MYOCD: variants seen among roughly 807,000 people sequenced by gnomAD.
MYOCD encodes myocardin.
A neutral mutation model predicts 96.1 loss-of-function variants in MYOCD; 32 were observed. That is an observed-to-expected ratio of 0.33 (90% CI 0.25 to 0.45). The LOEUF is 0.45. Ranked by LOEUF, MYOCD falls within the 20% of genes least tolerant of loss-of-function variation. The pLI is 1.00. For synonymous variants in MYOCD, 469 were observed against 469.0 expected, an observed-to-expected ratio of 1.00 and a Z score of 0.00; for missense variants, 1,133 against 1,200.6, an observed-to-expected ratio of 0.94 and a Z score of 0.83.
chr17:12,755,864 T>G (rs926732828), intron 10 of MYOCD, among the ~76,000 whole-genome samples: 1 of 152,066 alleles, frequency 6.6e-6, no homozygotes, highest in Non-Finnish European at 1.5e-5. Flanking sequence ...AGAGTGAGAC[T>G]CCGTCTAAAA....
rs2033412829 is a variant in MYOCD at position 12,768,945 on chromosome 17, A to C, written c.*5301A>C. ...TTTAAATAAAATGTTTATTTTAAAAAGAAATGTAAAACTTTTTTTTTTTCG... is the reference window on the plus strand; with the variant it reads ...TTTAAATAAAATGTTTATTTTAAAACGAAATGTAAAACTTTTTTTTTTTCG... On this transcript the variant is annotated 3_prime_UTR_variant, in exon 14 of 14. Coordinates refer to ENST00000425538, the MANE Select transcript of MYOCD (RefSeq NM_001146312.3). 2 of 152,008 alleles carry C rather than the reference A, an allele frequency of 1.3e-5. No homozygotes were observed. Among genetic ancestry groups the C allele is most frequent in the Non-Finnish European group, 2.9e-5 (2 of 68,012 alleles). The allele number at this position is 152,008 out of a possible 1,614,324, so 9.4% of individuals were successfully genotyped here. A position where few individuals can be genotyped will look rare whatever the true frequency, so the allele number is the denominator to read the frequency against.
At chr17:12,729,908 T>G (rs1474585995) in intron 5 of MYOCD, among the ~76,000 whole-genome samples, 2 of 152,138 alleles carry the variant, frequency 1.3e-5, no homozygotes, top group East Asian at 3.9e-4. Context: ...TTTTCCTGAC[T>G]TGTGTGGCCC....
intron 1 of MYOCD, among the ~76,000 whole-genome samples, chr17:12,692,345 G>A (rs1425946291): frequency 1.3e-5 from 2 of 152,170 alleles, no homozygotes; most frequent in African/African-American, 2.4e-5. Context: ...AGCCATTATC[G>A]ATACAATGCA....
chr17:12,693,620 A>AAATAG (rs1386643158), intron 1 of MYOCD, among the ~76,000 whole-genome samples: 2 of 127,972 alleles, frequency 1.6e-5, no homozygotes, highest in Admixed American at 9.1e-5. Flanking sequence ...AAAAAAAATA[A>AAATAG]AATAGAATAA....
At chr17:12,691,254 G>A (rs1448924887) in intron 1 of MYOCD, among the ~76,000 whole-genome samples, 1 of 152,176 alleles carries the variant, frequency 6.6e-6, no homozygotes, top group Non-Finnish European at 1.5e-5. Context: ...GGACTCAAGA[G>A]GAACATTTCA....
chr17:12,666,067 C>A lies in MYOCD; in HGVS notation c.-122C>A. On this transcript the variant is annotated 5_prime_UTR_variant, in exon 1 of 14. Coordinates refer to ENST00000425538, the MANE Select transcript of MYOCD (RefSeq NM_001146312.3). ...GCCACTGTACTCCTACCCAGGGGAG[C>A]TCACGGAGAGTTGGATGAATTCTGG... 1 of 706,800 alleles carries A rather than the reference C, an allele frequency of 1.4e-6. No homozygotes were observed. The highest frequency in any genetic ancestry group is 2.5e-6 in the Non-Finnish European group (1 of 397,968). The allele number at this position is 706,800 out of a possible 1,614,324, so 43.8% of individuals were successfully genotyped here.
At chr17:12,739,652 T>C (rs1168840165) in intron 7 of MYOCD, among the ~76,000 whole-genome samples, 1 of 152,230 alleles carries the variant, frequency 6.6e-6, no homozygotes, top group East Asian at 1.9e-4. Context: ...AGGCAGGATT[T>C]GCAAGTTTCA....
intron 1 of MYOCD, among the ~76,000 whole-genome samples, chr17:12,668,176 A>G (rs1336327859): frequency 1.3e-5 from 2 of 152,226 alleles, no homozygotes; most frequent in African/African-American, 4.8e-5. Context: ...TTATTTTGTC[A>G]CCAACAGTGA....
At chr17:12,734,554 G>A (rs916045225) in intron 5 of MYOCD, among the ~76,000 whole-genome samples, 3 of 128,380 alleles carry the variant, frequency 2.3e-5, no homozygotes, top group Non-Finnish European at 4.6e-5. Context: ...TCTGTCGCCC[G>A]GGCTAGAGTT....
chr17:12,680,478 C>T (rs985135215), intron 1 of MYOCD, among the ~76,000 whole-genome samples: 3 of 152,196 alleles, frequency 2.0e-5, no homozygotes, highest in African/African-American at 7.2e-5. Context: ...TCTCGATGAA[C>T]AAGCGAACAC....
At position 12,742,825 on chromosome 17, in the gene MYOCD, G is replaced by A. The variant is rs573366702; in HGVS notation, c.718-1358G>A. The stretch of plus-strand genomic sequence containing the variant: ...GACCTCAAGTGATGCGCCCACCTCC[G>A]CCTCCCAAAGTGCTGGGATTACAGG... On this transcript the variant is annotated intron_variant, in intron 7 of 13. Coordinates refer to ENST00000425538, the MANE Select transcript of MYOCD (RefSeq NM_001146312.3). Among the ~76,000 whole-genome samples the A allele has an allele frequency of 4.8e-4, 73 of 152,084 alleles. No homozygotes were observed. The East Asian group carries it at 6.2e-3, about 13-fold the overall frequency.
chr17:12,760,759 C>G, intron 13 of MYOCD, 52 bp downstream of exon 13: 1 of 1,461,086 alleles, frequency 6.8e-7, no homozygotes, highest in Non-Finnish European at 9.6e-7. Flanking sequence ...CACATGAACT[C>G]TAAGGAATGA....
chr17:12,738,859 G>A (rs1567593213), intron 6 of MYOCD, among the ~76,000 whole-genome samples: 1 of 151,418 alleles, frequency 6.6e-6, no homozygotes, highest in Non-Finnish European at 1.5e-5. Context: ...AGTTTGCCTA[G>A]AACAGACCAG....
At chr17:12,691,053 A>T (rs925530146) in intron 1 of MYOCD, among the ~76,000 whole-genome samples, 1 of 152,208 alleles carries the variant, frequency 6.6e-6, no homozygotes. Context: ...ATTGTTGCAC[A>T]TTCGGTAATG....
At chr17:12,704,870 G>A in intron 1 of MYOCD, 1 of 411,228 alleles carries the variant, frequency 2.4e-6, no homozygotes, top group Non-Finnish European at 4.4e-6. Context: ...GCATGGCACT[G>A]CGAAAATAAC....
chr17:12,700,759 T>C (rs1014616053), intron 1 of MYOCD, among the ~76,000 whole-genome samples: 16 of 152,118 alleles, frequency 1.1e-4, no homozygotes, highest in African/African-American at 3.9e-4. Flanking sequence ...TATTGAAAGA[T>C]AAAATAATTG....
At chr17:12,693,685 A>AAATAAAATAG (rs2030596235) in intron 1 of MYOCD, among the ~76,000 whole-genome samples, 2 of 148,034 alleles carry the variant, frequency 1.4e-5, no homozygotes, top group Non-Finnish European at 3.0e-5. Flanking sequence ...AAATAAAATA[A>AAATAAAATAG]GGTGCTCCCT....
chr17:12,756,478 C>T lies in MYOCD; in HGVS notation c.2123C>T (p.Pro708Leu). ...CCCCATTCTTCCAGCCTCCACCCGCCCTTCTCTGGAGCCCAAGCAGACAGC... is the reference window on the plus strand; with the variant it reads ...CCCCATTCTTCCAGCCTCCACCCGCTCTTCTCTGGAGCCCAAGCAGACAGC... ...FSPHSSSLHPPFSGAQADSSH... is the reference protein window; with the variant it reads ...FSPHSSSLHPLFSGAQADSSH... Residue 708 changes from proline to leucine, a missense_variant, in exon 11 of 14, where the codon CCC becomes CTC. Physicochemically the swap from Pro to Leu is moderately conservative, Grantham distance 98. Transcript: ENST00000425538. The T allele has an allele frequency of 1.3e-6, 2 of 1,551,938 alleles. No homozygotes were observed. Among genetic ancestry groups the T allele is most frequent in the South Asian group, 1.2e-5 (1 of 84,034 alleles).
intron 5 of MYOCD, among the ~76,000 whole-genome samples, chr17:12,724,911 A>G (rs2031952036): frequency 6.6e-6 from 1 of 152,232 alleles, no homozygotes; most frequent in African/African-American, 2.4e-5. Context: ...GTCAACTTCA[A>G]TTCTATTGCA....
Sources: gnomAD v4.1 joint callset for allele counts (sites outside exome capture counted in the v4.1 genomes callset) on GRCh38, gnomAD v4.1.1 for gene constraint, MANE v1.5 for transcripts, NCBI Gene and HGNC (gene_info 2026-07-23, HGNC 2026-07-21) for gene names.